The following WDFY4 variants were observed in gnomAD, a reference collection of about 807,000 sequenced individuals.
WDFY4 encodes the protein WDFY family member 4.
A neutral mutation model predicts 351.9 loss-of-function variants in WDFY4; 169 were observed. That is an observed-to-expected ratio of 0.48 (90% confidence interval 0.42 to 0.55). The LOEUF is 0.55. WDFY4 is among the 20% of genes least tolerant of loss of function. The pLI, the probability that WDFY4 is intolerant of heterozygous loss-of-function variation, is 0.00. For missense variants in WDFY4, 3,803 were observed against 3,935.6 expected (o/e 0.97, Z 0.90); for synonymous variants, 1,622 against 1,574.6 (o/e 1.03, Z -0.71).
At chr10:48,907,046 A>G (rs1160421292) in intron 47 of WDFY4, among the ~76,000 whole-genome samples, 1 of 152,208 alleles carries the variant, frequency 6.6e-6, no homozygotes, top group Non-Finnish European at 1.5e-5. Flanking sequence ...TTTTTAATAA[A>G]ACATACAAAA....
intron 47 of WDFY4, among the ~76,000 whole-genome samples, chr10:48,928,245 C>G (rs11592378): frequency 1.3e-5 from 2 of 152,166 alleles, no homozygotes; most frequent in Non-Finnish European, 2.9e-5. Flanking sequence ...GGATGGTCTC[C>G]TGAACCCCAC....
intron 5 of WDFY4, 151 bp from the exon 6 acceptor site, chr10:48,725,730 G>A (rs2064246575): frequency 2.5e-6 from 2 of 805,878 alleles, no homozygotes; most frequent in Non-Finnish European, 3.8e-6. Context: ...TGTTGACCCT[G>A]CTGGTCTGGG....
intron 44 of WDFY4, 64 bp downstream of exon 44, chr10:48,890,791 C>G: frequency 1.3e-6 from 2 of 1,539,610 alleles, no homozygotes; most frequent in Non-Finnish European, 1.8e-6. Flanking sequence ...CCAGCCGCCC[C>G]CACTATTCCC....
intron 47 of WDFY4, among the ~76,000 whole-genome samples, chr10:48,902,735 T>TA (rs1465695685): frequency 6.6e-6 from 1 of 151,620 alleles, no homozygotes; most frequent in African/African-American, 2.4e-5. Flanking sequence ...AGTGTAAGTG[T>TA]AAAAAACCAA....
intron 7 of WDFY4, 66 bp downstream of exon 7, chr10:48,727,725 G>A (rs1361865548): frequency 6.6e-7 from 1 of 1,515,800 alleles, no homozygotes; most frequent in Non-Finnish European, 8.9e-7. Flanking sequence ...CAGAATCATT[G>A]GGGTGCTTTG....
At chr10:48,712,300 G>A (rs982582264) in intron 2 of WDFY4, among the ~76,000 whole-genome samples, 1 of 152,194 alleles carries the variant, frequency 6.6e-6, no homozygotes, top group African/African-American at 2.4e-5. Context: ...AAAGTCCACA[G>A]CTCATGGAAA....
intron 47 of WDFY4, chr10:48,910,247 G>A (rs143201766): frequency 1.8e-5 from 28 of 1,517,094 alleles, no homozygotes; most frequent in Admixed American, 5.3e-5. Context: ...CTAGGAAGAT[G>A]TCAAGCGTAT....
chr10:48,731,654 G>A, intron 9 of WDFY4, 92 bp downstream of exon 9: 1 of 1,380,064 alleles, frequency 7.2e-7, no homozygotes, highest in Non-Finnish European at 9.7e-7. Flanking sequence ...AAATGCAACA[G>A]AAAGTGAGCA....
chr10:48,975,458 G>A (rs1284705254), intron 58 of WDFY4, among the ~76,000 whole-genome samples: 7 of 152,176 alleles, frequency 4.6e-5, no homozygotes, highest in Non-Finnish European at 8.8e-5. Context: ...CAGGGAGATC[G>A]ACTTACCGGT....
At position 48,779,952 on chromosome 10, in the gene WDFY4, C is replaced by A. The variant is rs551664656; in HGVS notation, c.3409C>A (p.Pro1137Thr). 55 of 1,551,694 alleles carry A rather than the reference C, an allele frequency of 3.5e-5. No individual in the cohort carries two copies. The highest frequency in any genetic ancestry group is 1.8e-4 in the Admixed American group (9 of 51,006). ...ATGCTGTCTTCCAGATGTCATGGAACCTGAGGATGACTCCGAGCCTTCTGC... is the reference window on the plus strand; with the variant it reads ...ATGCTGTCTTCCAGATGTCATGGAAACTGAGGATGACTCCGAGCCTTCTGC... ...KEFQPLDVME[P>T]EDDSEPSAGC... is the part of the protein sequence containing the mutation. Residue 1137 changes from proline to threonine, a missense_variant, in exon 19 of 62, where the codon CCT (proline) becomes ACT (threonine). Transcript: ENST00000325239.
At chr10:48,688,630 A>G (rs12762257) in intron 1 of WDFY4, among the ~76,000 whole-genome samples, 47,665 of 151,882 alleles carry the variant, frequency 0.31, 7,658 homozygotes, top group Middle Eastern at 0.43. Flanking sequence ...CAAGCATTTT[A>G]AACAAGAATC....
intron 59 of WDFY4, chr10:48,977,196 GCACA>G (rs1266067653): frequency 1.4e-5 from 5 of 347,172 alleles, no homozygotes; most frequent in Admixed American, 9.5e-5. Flanking sequence ...ACACACACAT[GCACA>G]CACACACAGA....
intron 39 of WDFY4, among the ~76,000 whole-genome samples, chr10:48,834,836 G>A (rs2068326754): frequency 6.6e-6 from 1 of 152,214 alleles, no homozygotes; most frequent in South Asian, 2.1e-4. Context: ...CATTGATACA[G>A]CTCAGCTGCC....
intron 39 of WDFY4, among the ~76,000 whole-genome samples, chr10:48,837,920 T>C (rs1004738971): frequency 3.3e-5 from 5 of 152,210 alleles, no homozygotes; most frequent in African/African-American, 1.2e-4. Flanking sequence ...CTCACCAGCC[T>C]GCCAGCAAAG....
At chr10:48,800,863 G>T (rs1327632744) in intron 24 of WDFY4, among the ~76,000 whole-genome samples, 1 of 151,554 alleles carries the variant, frequency 6.6e-6, no homozygotes, top group Non-Finnish European at 1.5e-5. Flanking sequence ...CTCCCAAGTA[G>T]CTGGGATTAC....
chr10:48,832,232 A>T (rs1368559307), intron 38 of WDFY4, among the ~76,000 whole-genome samples: 1 of 152,230 alleles, frequency 6.6e-6, no homozygotes, highest in East Asian at 1.9e-4. Flanking sequence ...TGTAATATTC[A>T]TGACCCCTCA....
intron 60 of WDFY4, among the ~76,000 whole-genome samples, chr10:48,979,484 A>G (rs997812057): frequency 6.6e-6 from 1 of 152,186 alleles, no homozygotes; most frequent in Admixed American, 6.5e-5. Flanking sequence ...CCAGTAAGCT[A>G]ACGGCATTAG....
chr10:48,906,173 C>T (rs112241005), intron 47 of WDFY4, among the ~76,000 whole-genome samples: 394 of 152,320 alleles, frequency 2.6e-3, no homozygotes, highest in African/African-American at 8.9e-3. Flanking sequence ...TACCTATAAA[C>T]GAGGTGTGTG....
chr10:48,743,776 G>A (rs929893592), intron 12 of WDFY4, among the ~76,000 whole-genome samples: 9 of 152,124 alleles, frequency 5.9e-5, no homozygotes, highest in African/African-American at 2.2e-4. Context: ...GGATGCTGTC[G>A]AGTCACATAA....
Sources: gnomAD v4.1 joint callset for allele counts (sites outside exome capture counted in the v4.1 genomes callset) on GRCh38, gnomAD v4.1.1 for gene constraint, MANE v1.5 for transcripts, NCBI Gene and HGNC (gene_info 2026-07-23, HGNC 2026-07-21) for gene names.